MRTFB: variants seen among roughly 807,000 people sequenced by gnomAD.
MRTFB encodes the protein myocardin-related transcription factor B.
In MRTFB, 29 loss-of-function variants were observed where a neutral mutation model predicts 104.2. The observed-to-expected ratio is 0.28, with a 90% CI of 0.21 to 0.38. The LOEUF is 0.38. Among genes scored for constraint, MRTFB ranks in the 10% least tolerant of loss-of-function variants. MRTFB has a pLI of 1.00. For synonymous variants in MRTFB, 535 were observed against 519.5 expected (o/e 1.03, Z -0.41); for missense variants, 1,270 against 1,341.6 (o/e 0.95, Z 0.83).
At chr16:14,116,632 T>C (rs1200670954) in intron 2 of MRTFB, among the ~76,000 whole-genome samples, 4 of 151,244 alleles carry the variant, frequency 2.6e-5, no homozygotes, top group Admixed American at 2.6e-4. Flanking sequence ...TTAGCACTAT[T>C]GACATTTTGA....
At position 14,203,708 on chromosome 16, in the gene MRTFB, G is replaced by A. The variant is rs528595406; in HGVS notation, c.155-6535G>A. Among the ~76,000 whole-genome samples, 5 of 149,630 alleles carry A rather than the reference G, an allele frequency of 3.3e-5. No homozygotes were observed. The East Asian group carries it at 7.9e-4, about 24-fold the overall frequency. ...AATCCCAGCTACTCAGGAAGCTGAGGCACAAGAATCACTTGAACCCAGGAG... is the reference window on the plus strand; with the variant it reads ...AATCCCAGCTACTCAGGAAGCTGAGACACAAGAATCACTTGAACCCAGGAG... On this transcript the variant is annotated intron_variant, in intron 3 of 16. Coordinates refer to ENST00000571589, the MANE Select transcript of MRTFB (RefSeq NM_001308142.2).
intron 10 of MRTFB, among the ~76,000 whole-genome samples, chr16:14,242,337 A>G (rs962842230): frequency 1.3e-5 from 2 of 152,164 alleles, no homozygotes; most frequent in Non-Finnish European, 1.5e-5. Flanking sequence ...CACCTCTACA[A>G]TAACCAAGCT....
At chr16:14,064,561 T>C in the MRTFB span, among the ~76,000 whole-genome samples, 1 of 152,204 alleles carries the variant, frequency 6.6e-6, no homozygotes, top group Admixed American at 6.5e-5. Flanking sequence ...GAATGGTATT[T>C]CCTAGGTTTT....
chr16:14,211,936 C>A (rs1426253472), intron 4 of MRTFB, among the ~76,000 whole-genome samples: 1 of 152,114 alleles, frequency 6.6e-6, no homozygotes, highest in South Asian at 2.1e-4. Flanking sequence ...AATGATACCT[C>A]AAATCTGTTG....
chr16:14,215,557 T>C (rs527808344), intron 6 of MRTFB, among the ~76,000 whole-genome samples: 1 of 152,288 alleles, frequency 6.6e-6, no homozygotes, highest in African/African-American at 2.4e-5. Context: ...ATCACTTCGG[T>C]GATGGTAATG....
At chr16:14,214,673 T>C (rs2041339995) in intron 6 of MRTFB, among the ~76,000 whole-genome samples, 1 of 152,138 alleles carries the variant, frequency 6.6e-6, no homozygotes, top group Non-Finnish European at 1.5e-5. Context: ...TTTTTGCTAA[T>C]AAACAAGCAA....
chr16:14,212,156 A>G (rs1353555070), intron 4 of MRTFB, among the ~76,000 whole-genome samples, 198 bp from the exon 5 acceptor site: 2 of 152,228 alleles, frequency 1.3e-5, no homozygotes, highest in Non-Finnish European at 2.9e-5. Context: ...TTAAATGTCT[A>G]CTTTATTTGT....
intron 2 of MRTFB, among the ~76,000 whole-genome samples, chr16:14,097,729 C>T (rs560276533): frequency 4.2e-4 from 64 of 152,322 alleles, no homozygotes; most frequent in African/African-American, 1.3e-3. Flanking sequence ...GTAATCCTTC[C>T]TGCATGCTCC....
At chr16:14,087,336 A>G (rs1006947475) in intron 2 of MRTFB, among the ~76,000 whole-genome samples, 2 of 152,180 alleles carry the variant, frequency 1.3e-5, no homozygotes, top group Non-Finnish European at 2.9e-5. Context: ...TGAATGTCCT[A>G]TCCCCCTTGA....
intron 2 of MRTFB, among the ~76,000 whole-genome samples, chr16:14,119,994 C>G (rs978111328): frequency 1.3e-5 from 2 of 152,214 alleles, no homozygotes; most frequent in Non-Finnish European, 1.5e-5. Context: ...CTTGCCAAGA[C>G]TTGGTACTGT....
At chr16:14,087,081 T>C (rs2034751673) in intron 2 of MRTFB, among the ~76,000 whole-genome samples, 1 of 151,956 alleles carries the variant, frequency 6.6e-6, no homozygotes, top group Non-Finnish European at 1.5e-5. Context: ...ACTCTAACCC[T>C]AGGAAAAAAA....
At chr16:14,127,748 A>T (rs2037192486) in intron 2 of MRTFB, among the ~76,000 whole-genome samples, 1 of 148,718 alleles carries the variant, frequency 6.7e-6, no homozygotes, top group South Asian at 2.1e-4. Context: ...GAACCACTCT[A>T]CTCCTTTCCT....
chr16:14,100,232 A>G (rs2035627063), intron 2 of MRTFB, among the ~76,000 whole-genome samples: 1 of 152,168 alleles, frequency 6.6e-6, no homozygotes, highest in African/African-American at 2.4e-5. Context: ...GATGTTAGCT[A>G]TAGGTTTATT....
intron 3 of MRTFB, among the ~76,000 whole-genome samples, chr16:14,150,288 A>G (rs2038547677): frequency 6.6e-6 from 1 of 152,218 alleles, no homozygotes; most frequent in Non-Finnish European, 1.5e-5. Context: ...GAATAGTGCA[A>G]GCACATAATT....
chr16:14,027,583 T>C, the MRTFB span, among the ~76,000 whole-genome samples: 1 of 152,232 alleles, frequency 6.6e-6, no homozygotes, highest in Non-Finnish European at 1.5e-5. Context: ...AATATTATTG[T>C]ATCAGTGTCT....
chr16:14,059,372 C>A, the MRTFB span, among the ~76,000 whole-genome samples: 1 of 152,226 alleles, frequency 6.6e-6, no homozygotes, highest in African/African-American at 2.4e-5. Context: ...CCTCTCCCTG[C>A]CCCCTCTCCC....
the MRTFB span, among the ~76,000 whole-genome samples, chr16:14,010,817 C>T: frequency 6.6e-6 from 1 of 152,208 alleles, no homozygotes; most frequent in African/African-American, 2.4e-5. Context: ...AATTAAATAG[C>T]ATTAAACATT....
At chr16:14,211,476 T>TG (rs1344870816) in intron 4 of MRTFB, among the ~76,000 whole-genome samples, 1 of 152,178 alleles carries the variant, frequency 6.6e-6, no homozygotes, top group Non-Finnish European at 1.5e-5. Flanking sequence ...GGTCAAGTCT[T>TG]GCAGGTGACA....
At chr16:14,068,200 G>A (rs2033542051), upstream of MRTFB, among the ~76,000 whole-genome samples, 1 of 152,208 alleles carries the variant, frequency 6.6e-6, no homozygotes, top group African/African-American at 2.4e-5. Flanking sequence ...ACTGGGCAAT[G>A]AGGAAAGGAT....
Sources: gnomAD v4.1 joint callset for allele counts (sites outside exome capture counted in the v4.1 genomes callset) on GRCh38, gnomAD v4.1.1 for gene constraint, MANE v1.5 for transcripts, NCBI Gene and HGNC (gene_info 2026-07-23, HGNC 2026-07-21) for gene names.